The following NTM variants were observed in gnomAD, a reference collection of about 807,000 sequenced individuals.
NTM encodes IgLON family member 2.
In NTM, 13 loss-of-function variants were observed where a neutral mutation model predicts 42.1. The ratio of observed to expected loss-of-function variants is 0.31; its 90% confidence interval spans 0.20 to 0.49. NTM has a LOEUF of 0.49. NTM is among the 20% of genes least tolerant of loss of function. NTM has a pLI of 0.99. For missense variants in NTM, 373 were observed against 452.8 expected, an observed-to-expected ratio of 0.82 and a Z score of 1.60; for synonymous variants, 187 against 179.2, an observed-to-expected ratio of 1.04 and a Z score of -0.35.
At chr11:131,779,742 T>C (rs2087713857) in intron 1 of NTM, among the ~76,000 whole-genome samples, 2 of 152,046 alleles carry the variant, frequency 1.3e-5, no homozygotes, top group Non-Finnish European at 2.9e-5. Context: ...CAGATGTTCT[T>C]TAGGTGGAGA....
At chr11:131,579,156 A>G (rs2137159860) in intron 1 of NTM, among the ~76,000 whole-genome samples, 1 of 152,318 alleles carries the variant, frequency 6.6e-6, no homozygotes, top group African/African-American at 2.4e-5. Context: ...AGACTGCTGT[A>G]GGGTCACATG....
At chr11:131,998,177 A>T (rs1270549255) in intron 2 of NTM, among the ~76,000 whole-genome samples, 1 of 152,104 alleles carries the variant, frequency 6.6e-6, no homozygotes, top group Non-Finnish European at 1.5e-5. Context: ...GAGTCATAAA[A>T]GCCTCCAATT....
intron 3 of NTM, among the ~76,000 whole-genome samples, chr11:132,178,053 G>C (rs1592041688): frequency 6.6e-6 from 1 of 152,220 alleles, no homozygotes; most frequent in South Asian, 2.1e-4. Flanking sequence ...ACATGAAATT[G>C]GATTATAAAA....
intron 1 of NTM, among the ~76,000 whole-genome samples, chr11:131,801,816 T>C (rs2092139268): frequency 1.3e-5 from 2 of 152,110 alleles, no homozygotes; most frequent in Admixed American, 1.3e-4. Flanking sequence ...CGTCCTGTCC[T>C]GAACCTTTCT....
At chr11:131,587,484 T>G (rs1245936021) in intron 1 of NTM, among the ~76,000 whole-genome samples, 2 of 152,028 alleles carry the variant, frequency 1.3e-5, no homozygotes, top group East Asian at 3.9e-4. Context: ...AAGTCCATAC[T>G]CTTGACCACA....
chr11:131,514,030 A>G (rs2048583873), intron 1 of NTM, among the ~76,000 whole-genome samples: 1 of 152,142 alleles, frequency 6.6e-6, no homozygotes, highest in South Asian at 2.1e-4. Context: ...AGGCTTCACC[A>G]GGAGAAATTA....
chr11:132,305,932 ATC>A (rs2095062008), intron 4 of NTM, among the ~76,000 whole-genome samples: 1 of 152,116 alleles, frequency 6.6e-6, no homozygotes, highest in African/African-American at 2.4e-5. Flanking sequence ...TGAATTTAGT[ATC>A]TCTTTCTTGT....
chr11:132,270,759 T>C (rs570793995), intron 4 of NTM, among the ~76,000 whole-genome samples: 1 of 152,182 alleles, frequency 6.6e-6, no homozygotes, highest in East Asian at 1.9e-4. Context: ...TTGAGCCGCT[T>C]TACACCAAAA....
intron 3 of NTM, among the ~76,000 whole-genome samples, chr11:132,163,580 A>G (rs773377785): frequency 6.6e-6 from 1 of 152,232 alleles, no homozygotes; most frequent in Non-Finnish European, 1.5e-5. Flanking sequence ...GGAAGGTTGC[A>G]CATTGGTAAG....
At chr11:131,846,648 T>C (rs1287387766) in intron 1 of NTM, among the ~76,000 whole-genome samples, 1 of 152,220 alleles carries the variant, frequency 6.6e-6, no homozygotes, top group Non-Finnish European at 1.5e-5. Context: ...AACTATTGTA[T>C]ATGTTATTAC....
intron 2 of NTM, among the ~76,000 whole-genome samples, chr11:131,992,978 A>T (rs1565901637): frequency 6.6e-6 from 1 of 152,190 alleles, no homozygotes; most frequent in South Asian, 2.1e-4. Flanking sequence ...TTTGGGAAAC[A>T]TACTCAGTAC....
chr11:131,463,324 G>C (rs1414014859), intron 1 of NTM, among the ~76,000 whole-genome samples: 7 of 152,314 alleles, frequency 4.6e-5, no homozygotes, highest in African/African-American at 1.7e-4. Context: ...TGCATCACCA[G>C]GAGGTCCTAG....
chr11:131,504,105 G>T (rs1174766481), intron 1 of NTM, among the ~76,000 whole-genome samples: 1 of 152,118 alleles, frequency 6.6e-6, no homozygotes, highest in African/African-American at 2.4e-5. Context: ...GGCCCCACCA[G>T]CTTCCTCCAG....
At chr11:131,790,077 G>T (rs2090713440) in intron 1 of NTM, among the ~76,000 whole-genome samples, 1 of 149,954 alleles carries the variant, frequency 6.7e-6, no homozygotes, top group African/African-American at 2.5e-5. Context: ...ACAATAAAAA[G>T]TGTAAATTAT....
At chr11:131,984,947 G>A (rs1002548725) in intron 2 of NTM, among the ~76,000 whole-genome samples, 2 of 152,150 alleles carry the variant, frequency 1.3e-5, no homozygotes, top group Admixed American at 6.5e-5. Flanking sequence ...GAGGCCTTTC[G>A]TCAAATCGTT....
intron 1 of NTM, among the ~76,000 whole-genome samples, chr11:131,580,318 C>G (rs532041558): frequency 6.6e-6 from 1 of 152,176 alleles, no homozygotes; most frequent in African/African-American, 2.4e-5. Context: ...TACTGTGGTT[C>G]TGAGATCTTT....
intron 1 of NTM, among the ~76,000 whole-genome samples, chr11:131,750,363 G>C (rs2082334210): frequency 6.6e-6 from 1 of 152,160 alleles, no homozygotes; most frequent in African/African-American, 2.4e-5. Flanking sequence ...TTCATTGCCA[G>C]GCAAAGTGTC....
intron 2 of NTM, among the ~76,000 whole-genome samples, chr11:132,139,351 G>A (rs1003344580): frequency 3.3e-5 from 5 of 152,166 alleles, no homozygotes; most frequent in Non-Finnish European, 5.9e-5. Context: ...TGTGGGAGCC[G>A]TGACTTACAA....
At chr11:131,947,483 A>G (rs2060473733) in intron 2 of NTM, among the ~76,000 whole-genome samples, 1 of 152,156 alleles carries the variant, frequency 6.6e-6, no homozygotes. Context: ...GCACCTACAG[A>G]GAACCAGGCA....
Sources: gnomAD v4.1 joint callset for allele counts (sites outside exome capture counted in the v4.1 genomes callset) on GRCh38, gnomAD v4.1.1 for gene constraint, MANE v1.5 for transcripts, NCBI Gene and HGNC (gene_info 2026-07-23, HGNC 2026-07-21) for gene names.